Variants in DPF3 observed in about 807,000 individuals in gnomAD.
The protein encoded by DPF3 is double PHD fingers 3.
In DPF3, 18 loss-of-function variants were observed where a neutral mutation model predicts 56.8. That is an observed-to-expected ratio of 0.32 (90% CI 0.22 to 0.47). DPF3 has a LOEUF of 0.47. Among genes scored for constraint, DPF3 ranks in the 20% least tolerant of loss-of-function variants. The pLI is 1.00. For missense variants in DPF3, 403 were observed against 488.8 expected (o/e 0.82, Z 1.65); for synonymous variants, 188 against 180.2 (o/e 1.04, Z -0.35).
chr14:72,624,023 C>G (rs928173060), intron 9 of DPF3, among the ~76,000 whole-genome samples: 1 of 152,124 alleles, frequency 6.6e-6, no homozygotes, highest in African/African-American at 2.4e-5. Flanking sequence ...ACAATTTTAC[C>G]TATAATGGAT....
chr14:72,762,441 A>C (rs1204744134), intron 2 of DPF3, among the ~76,000 whole-genome samples: 1 of 151,884 alleles, frequency 6.6e-6, no homozygotes, highest in Non-Finnish European at 1.5e-5. Flanking sequence ...TATTAAATTT[A>C]ATCAACCATT....
At chr14:72,635,535 C>T (rs1202807163) in intron 8 of DPF3, among the ~76,000 whole-genome samples, 5 of 152,226 alleles carry the variant, frequency 3.3e-5, no homozygotes, top group African/African-American at 1.2e-4. Context: ...TTTCTATGCA[C>T]GCTAATACAC....
At chr14:72,654,755 C>T (rs1886016804) in intron 8 of DPF3, among the ~76,000 whole-genome samples, 1 of 152,142 alleles carries the variant, frequency 6.6e-6, no homozygotes, top group South Asian at 2.1e-4. Context: ...TTCCAGTTCC[C>T]CTTTGTTTCT....
intron 1 of DPF3, chr14:72,892,651 C>A (rs916987787): frequency 3.7e-5 from 40 of 1,084,778 alleles, no homozygotes; most frequent in Non-Finnish European, 4.5e-5. Context: ...GACGAGAATG[C>A]GCTGAATTAA....
At chr14:72,708,244 T>C (rs1888497200) in intron 6 of DPF3, among the ~76,000 whole-genome samples, 1 of 152,204 alleles carries the variant, frequency 6.6e-6, no homozygotes, top group Admixed American at 6.5e-5. Flanking sequence ...TCCCCAGCCC[T>C]GCCTCTGGCC....
At chr14:72,763,066 C>T (rs995571915) in intron 2 of DPF3, among the ~76,000 whole-genome samples, 1 of 151,712 alleles carries the variant, frequency 6.6e-6, no homozygotes. Context: ...AAGATCTATA[C>T]ACTAAAAATT....
intron 7 of DPF3, among the ~76,000 whole-genome samples, chr14:72,679,487 T>A (rs1887063112): frequency 6.6e-6 from 1 of 152,210 alleles, no homozygotes. Context: ...GCAGCTCCAT[T>A]TCTGGAGCCT....
intron 8 of DPF3, chr14:72,670,116 G>A: frequency 1.0e-6 from 1 of 985,852 alleles, no homozygotes; most frequent in South Asian, 4.7e-5. Context: ...AAAAAAAATA[G>A]AAGAAATACG....
chr14:72,721,654 A>G (rs936007914), intron 5 of DPF3, among the ~76,000 whole-genome samples: 4 of 152,170 alleles, frequency 2.6e-5, no homozygotes, highest in African/African-American at 4.8e-5. Context: ...AGAACTGGAC[A>G]GGGTATGCCC....
chr14:72,879,633 G>A (rs2140122257), intron 1 of DPF3, among the ~76,000 whole-genome samples: 1 of 152,254 alleles, frequency 6.6e-6, no homozygotes, highest in East Asian at 1.9e-4. Flanking sequence ...GGGTGGAGGT[G>A]GAGGACAATC....
At chr14:72,718,703 T>TG (rs1171828128) in intron 5 of DPF3, among the ~76,000 whole-genome samples, 2 of 151,892 alleles carry the variant, frequency 1.3e-5, no homozygotes, top group Non-Finnish European at 2.9e-5. Context: ...TAACAGCCTT[T>TG]GGGGGCTCTC....
intron 1 of DPF3, among the ~76,000 whole-genome samples, chr14:72,888,219 TCC>T (rs1193485939): frequency 6.6e-6 from 1 of 152,046 alleles, no homozygotes; most frequent in Non-Finnish European, 1.5e-5. Flanking sequence ...AGGGATTCTC[TCC>T]CTTCCCTTGC....
chr14:72,873,226 GA>G (rs1314180595), intron 1 of DPF3, among the ~76,000 whole-genome samples: 1 of 149,306 alleles, frequency 6.7e-6, no homozygotes, highest in African/African-American at 2.5e-5. Flanking sequence ...AAATTTACAA[GA>G]AAAAAACAAA....
intron 8 of DPF3, chr14:72,662,644 T>G: frequency 2.0e-6 from 2 of 985,450 alleles, no homozygotes; most frequent in Non-Finnish European, 2.4e-6. Context: ...TGAGCTGAGT[T>G]GCGCTGCAGG....
intron 1 of DPF3, among the ~76,000 whole-genome samples, chr14:72,800,471 T>A (rs1429957094): frequency 6.6e-6 from 1 of 151,956 alleles, no homozygotes; most frequent in Non-Finnish European, 1.5e-5. Flanking sequence ...GATGGACACA[T>A]GGATGCATGG....
At chr14:72,817,139 A>G (rs757953202) in intron 1 of DPF3, among the ~76,000 whole-genome samples, 60 of 152,294 alleles carry the variant, frequency 3.9e-4, no homozygotes, top group Non-Finnish European at 4.4e-4. Context: ...GGGGTCCTCC[A>G]CGGGCTGCCC....
intron 8 of DPF3, among the ~76,000 whole-genome samples, chr14:72,672,068 C>G (rs1438930116): frequency 6.6e-6 from 1 of 151,608 alleles, no homozygotes; most frequent in African/African-American, 2.4e-5. Flanking sequence ...CAGACACACA[C>G]ACACACACAC....
chr14:72,649,806 A>C (rs1885849270), intron 8 of DPF3, among the ~76,000 whole-genome samples: 1 of 152,228 alleles, frequency 6.6e-6, no homozygotes, highest in South Asian at 2.1e-4. Flanking sequence ...TAGACAAAGA[A>C]GCTGAAGCTC....
At chr14:72,888,012 T>C (rs2140133704) in intron 1 of DPF3, among the ~76,000 whole-genome samples, 1 of 152,112 alleles carries the variant, frequency 6.6e-6, no homozygotes, top group African/African-American at 2.4e-5. Flanking sequence ...ATGATCACAG[T>C]CCCCAGATTC....
Sources: gnomAD v4.1 joint callset for allele counts (sites outside exome capture counted in the v4.1 genomes callset) on GRCh38, gnomAD v4.1.1 for gene constraint, MANE v1.5 for transcripts, NCBI Gene and HGNC (gene_info 2026-07-23, HGNC 2026-07-21) for gene names.